Variants in TTL observed in about 807,000 individuals in gnomAD.
TTL encodes tubulin tyrosine ligase.
TTL carries 10 observed loss-of-function variants against 41.1 expected under a neutral mutation model. That is an observed-to-expected ratio of 0.24 (90% confidence interval 0.15 to 0.41). The LOEUF (loss-of-function observed/expected upper bound fraction) is 0.41, where lower values mean the gene tolerates loss of function less well. Ranked by LOEUF, TTL falls within the 10% of genes least tolerant of loss-of-function variation. TTL has a pLI of 1.00. For synonymous variants in TTL, 175 were observed against 175.5 expected, an observed-to-expected ratio of 1.00 and a Z score of 0.02; for missense variants, 367 against 460.4, an observed-to-expected ratio of 0.80 and a Z score of 1.86.
chr2:112,482,226 CGCGGGCGGCGGGGGCCGGGCCGCG>C lies in TTL; in HGVS notation c.-111_-88del. The C allele has an allele frequency of 4.1e-6, 3 of 727,684 alleles. No individual in the cohort carries two copies. Among genetic ancestry groups the C allele is most frequent in the Non-Finnish European group, 5.0e-6 (3 of 598,020 alleles). The allele number at this position is 727,684 out of a possible 1,614,324, so 45.1% of individuals were successfully genotyped here. A position where few individuals can be genotyped will look rare whatever the true frequency, so the allele number is the denominator to read the frequency against. On this transcript the variant is annotated 5_prime_UTR_variant, in exon 1 of 7. Coordinates refer to ENST00000233336, the MANE Select transcript of TTL (RefSeq NM_153712.5). This position sits in a 1 kb window ranked among gnomAD's most constrained non-coding sequence, Gnocchi z 5.3. The stretch of plus-strand genomic sequence containing the variant: ...GGCACCCGAGAGGCGCGGTAGCCGG[CGCGGGCGGCGGGGGCCGGGCCGCG>C]GCGGGCGCCCGGGCGGGGTCCGCGC...
At chr2:112,523,468 C>A (rs929257692) in intron 6 of TTL, among the ~76,000 whole-genome samples, 1 of 152,018 alleles carries the variant, frequency 6.6e-6, no homozygotes, top group Non-Finnish European at 1.5e-5. Flanking sequence ...GAAAGTCTTC[C>A]CCTGTCACTG....
rs1243016280 is a variant in TTL at position 112,531,027 on chromosome 2, G to A, written c.*2232G>A. 1.5e-5 allele frequency: 3 copies of A among 194,310 alleles called. No individual in the cohort carries two copies. The highest frequency in any genetic ancestry group is 3.2e-5 in the Non-Finnish European group (3 of 93,220). The allele number at this position is 194,310 out of a possible 1,614,324, so 12.0% of individuals were successfully genotyped here. ...TGTGTTGCCCAGGCTGGATTGCAGT[G>A]GCTATTCGCAGTTGTAATCATAGCA... On this transcript the variant is annotated 3_prime_UTR_variant, in exon 7 of 7. Transcript: ENST00000233336.
At chr2:112,511,585 G>C (rs1490291653) in intron 5 of TTL, among the ~76,000 whole-genome samples, 2 of 147,400 alleles carry the variant, frequency 1.4e-5, no homozygotes, top group African/African-American at 2.5e-5. Flanking sequence ...TCTTTTTTTT[G>C]AGATGGTCTG....
At chr2:112,520,061 C>T (rs558168896) in intron 5 of TTL, among the ~76,000 whole-genome samples, 51 of 139,750 alleles carry the variant, frequency 3.6e-4, no homozygotes, top group African/African-American at 1.3e-3. Context: ...ACCCAGGAGG[C>T]GGAGGTTGCC....
At chr2:112,494,052 G>A (rs183718991) in intron 2 of TTL, 91 bp from the exon 3 acceptor site, 111 of 958,086 alleles carry the variant, frequency 1.2e-4, no homozygotes, top group African/African-American at 1.1e-3. Context: ...TTTGCCTCCC[G>A]GAAAGTCTCT....
chr2:112,525,033 T>A (rs1374127908), intron 6 of TTL, among the ~76,000 whole-genome samples: 1 of 152,208 alleles, frequency 6.6e-6, no homozygotes, highest in African/African-American at 2.4e-5. Flanking sequence ...CCCAGCACCA[T>A]TTATTAAATA....
Position 112,515,355 on chromosome 2 carries a change from C to A in TTL, c.876-4927C>A, listed in dbSNP as rs567952132. ...TATCCTGTAAAACCTAATATATTTA[C>A]TGTCTGGCCCTTTATAGAAAAAGTT... is the stretch of plus-strand genomic sequence containing the variant. On this transcript the variant is annotated intron_variant, in intron 5 of 6. Transcript: ENST00000233336. Among the ~76,000 whole-genome samples the A allele has an allele frequency of 5.9e-5, 9 of 152,266 alleles. No homozygotes were observed. The South Asian group carries it at 1.2e-3, about 21-fold the overall frequency.
intron 2 of TTL, among the ~76,000 whole-genome samples, chr2:112,489,840 C>T (rs1681333480): frequency 6.6e-6 from 1 of 152,058 alleles, no homozygotes; most frequent in Admixed American, 6.6e-5. Context: ...TGAGAAAATG[C>T]AAATGGCAGT....
chr2:112,503,180 A>C lies in TTL; in HGVS notation c.874A>C (p.Arg292=). ...SILLQIKHII[R]NCLLSVEPAI... is the part of the protein sequence containing the mutation. The stretch of plus-strand genomic sequence containing the variant: ...CTTACTACAAATCAAACATATAATA[A>C]GGTAACTTAATTGTATCTTTTTGGA... The change falls in exon 5 of 7, where the codon AGG becomes CGG. Residue 292 remains arginine, a splice_region_variant and synonymous_variant. Transcript: ENST00000233336. The C allele has an allele frequency of 1.9e-6, 3 of 1,581,838 alleles. No homozygotes were observed. Among genetic ancestry groups the C allele is most frequent in the Non-Finnish European group, 2.6e-6 (3 of 1,162,404 alleles).
chr2:112,483,644 T>C (rs1681156233), intron 1 of TTL: 1 of 152,244 alleles, frequency 6.6e-6, no homozygotes, highest in Non-Finnish European at 1.5e-5. Flanking sequence ...TGGAATTGAC[T>C]GGTCATTTAT....
At chr2:112,500,674 A>C (rs1391570635) in intron 3 of TTL, among the ~76,000 whole-genome samples, 1 of 152,302 alleles carries the variant, frequency 6.6e-6, no homozygotes. Context: ...TAAAAGGATA[A>C]ATTTTTTGGT....
chr2:112,520,431 C>G lies in TTL; in HGVS notation c.1019+6C>G, dbSNP rs1393185674. The G allele has an allele frequency of 6.2e-7, 1 of 1,612,166 alleles. No homozygotes were observed. The highest frequency in any genetic ancestry group is 8.5e-7 in the Non-Finnish European group (1 of 1,178,808). On this transcript the variant is annotated splice_donor_region_variant and intron_variant, in intron 6 of 6. Coordinates refer to ENST00000233336, the MANE Select transcript of TTL (RefSeq NM_153712.5). ...GGTGCCCCTGCATGTGCTCAGTAAG[C>G]CTGCACGTCATTGTGTTTTTACAAG...
In TTL at chr2:112,523,965, C is replaced by T. The variant is rs144412735; in HGVS notation, c.1019+3540C>T. Among the ~76,000 whole-genome samples the T allele has an allele frequency of 7.1e-3, 1,086 of 152,140 alleles. 6 individuals are homozygous for T. The highest frequency in any genetic ancestry group is 0.011 in the Non-Finnish European group (775 of 67,994). ...CCCCATCCCCCAACCCCACAACAGG[C>T]CCTGGTGTGTGATGTTCCCCATCCT... On this transcript the variant is annotated intron_variant, in intron 6 of 6. Coordinates refer to ENST00000233336, the MANE Select transcript of TTL (RefSeq NM_153712.5).
At chr2:112,520,505 C>T (rs1682195500) in intron 6 of TTL, 80 bp downstream of exon 6, 6 of 1,554,614 alleles carry the variant, frequency 3.9e-6, no homozygotes, top group Admixed American at 3.7e-5. Context: ...CAAGTGTAGT[C>T]ACTTTGACTG....
intron 2 of TTL, among the ~76,000 whole-genome samples, chr2:112,493,008 G>A (rs1240952662): frequency 1.3e-5 from 2 of 152,144 alleles, no homozygotes; most frequent in South Asian, 2.1e-4. Flanking sequence ...CCACTGGATG[G>A]GACAATGCAG....
intron 5 of TTL, among the ~76,000 whole-genome samples, chr2:112,519,885 C>T (rs1386191600): frequency 2.0e-5 from 3 of 152,090 alleles, no homozygotes; most frequent in Non-Finnish European, 4.4e-5. Context: ...AATCCCAGCA[C>T]TTTGGGAGGC....
chr2:112,525,222 G>C (rs146913486), intron 6 of TTL, among the ~76,000 whole-genome samples: 1 of 151,918 alleles, frequency 6.6e-6, no homozygotes. Flanking sequence ...AGTCAGGTAG[G>C]GTGATGCCTC....
intron 3 of TTL, among the ~76,000 whole-genome samples, chr2:112,499,366 A>G (rs1465071441): frequency 6.6e-6 from 1 of 152,178 alleles, no homozygotes. Flanking sequence ...CAAAACATAT[A>G]TGCCCATCTG....
Position 112,494,199 on chromosome 2 carries a change from A to G in TTL, c.293A>G (p.Tyr98Cys). The G allele has an allele frequency of 6.2e-7, 1 of 1,614,196 alleles. No individual in the cohort carries two copies. The highest frequency in any genetic ancestry group is 1.1e-5 in the South Asian group (1 of 91,086). ...AESCTWFPESYVIYPTNLKTP... is the reference protein window; with the variant it reads ...AESCTWFPESCVIYPTNLKTP... ...TCCTGCACATGGTTCCCTGAATCTT[A>G]TGTGATTTATCCAACCAATCTCAAG... Residue 98 changes from tyrosine (Y) to cysteine (C), a missense_variant, in exon 3 of 7, where the codon TAT becomes TGT. Coordinates refer to ENST00000233336, the MANE Select transcript of TTL (RefSeq NM_153712.5).
Sources: gnomAD v4.1 joint callset for allele counts (sites outside exome capture counted in the v4.1 genomes callset) on GRCh38, gnomAD v4.1.1 for gene constraint, Gnocchi (gnomAD v3.1) non-coding constraint, MANE v1.5 for transcripts, NCBI Gene and HGNC (gene_info 2026-07-23, HGNC 2026-07-21) for gene names.